Variants in MAD1L1 observed in about 807,000 individuals in gnomAD.
MAD1L1 encodes mitotic arrest deficient 1 like 1.
In MAD1L1, 95 loss-of-function variants were observed where a neutral mutation model predicts 96.9. That is an observed-to-expected ratio of 0.98 (90% confidence interval 0.83 to 1.16). MAD1L1 has a LOEUF of 1.16. Among genes scored for constraint, MAD1L1 ranks in the 50% most tolerant of loss-of-function variants. The pLI is 0.00. For synonymous variants in MAD1L1, 473 were observed against 396.6 expected (o/e 1.19, Z -2.29); for missense variants, 1,007 against 954.4 (o/e 1.06, Z -0.73).
intron 18 of MAD1L1, among the ~76,000 whole-genome samples, chr7:1,897,210 C>T (rs936358032): frequency 2.6e-5 from 4 of 152,366 alleles, no homozygotes; most frequent in South Asian, 2.1e-4. Flanking sequence ...GAGACGCTGA[C>T]GGACATGCGT....
chr7:2,201,281 C>T (rs1201455267), intron 10 of MAD1L1, among the ~76,000 whole-genome samples: 3 of 152,266 alleles, frequency 2.0e-5, no homozygotes, highest in South Asian at 4.1e-4. Context: ...CCTCGGCTGG[C>T]GCTGGCTTCA....
intron 14 of MAD1L1, among the ~76,000 whole-genome samples, chr7:1,995,636 C>T (rs544874855): frequency 1.3e-5 from 2 of 152,316 alleles, no homozygotes; most frequent in Admixed American, 1.3e-4. Flanking sequence ...GAGCCATTCC[C>T]CAGACCTGCC....
At chr7:2,017,411 T>C (rs1054610242) in intron 12 of MAD1L1, among the ~76,000 whole-genome samples, 1 of 152,108 alleles carries the variant, frequency 6.6e-6, no homozygotes, top group East Asian at 1.9e-4. Flanking sequence ...CGAACGGCCA[T>C]GTGAAGAGAA....
chr7:1,907,833 G>A (rs1427410737), intron 17 of MAD1L1, among the ~76,000 whole-genome samples: 2 of 152,226 alleles, frequency 1.3e-5, no homozygotes, highest in Non-Finnish European at 2.9e-5. Context: ...TCTGAGTGGC[G>A]GGCCTGAGTC....
chr7:2,091,181 A>C (rs1786192085), intron 11 of MAD1L1, among the ~76,000 whole-genome samples: 1 of 151,968 alleles, frequency 6.6e-6, no homozygotes, highest in Admixed American at 6.6e-5. Flanking sequence ...ACTAGAAGAC[A>C]CTCCAGGCTC....
chr7:1,986,603 C>T (rs890562546), intron 14 of MAD1L1, among the ~76,000 whole-genome samples: 15 of 151,346 alleles, frequency 9.9e-5, no homozygotes, highest in Middle Eastern at 3.4e-3. Flanking sequence ...CAGGCTTCCC[C>T]GGGGATGTGT....
intron 11 of MAD1L1, among the ~76,000 whole-genome samples, chr7:2,095,879 G>C (rs1786462953): frequency 1.3e-5 from 2 of 152,230 alleles, no homozygotes; most frequent in Non-Finnish European, 2.9e-5. Flanking sequence ...TAGGGTGGGT[G>C]GGGGTGCCTG....
chr7:2,061,940 G>A (rs1002732254), intron 12 of MAD1L1, among the ~76,000 whole-genome samples: 3 of 152,146 alleles, frequency 2.0e-5, no homozygotes, highest in Admixed American at 6.6e-5. Context: ...AATATGTGAC[G>A]CTTAAAAACA....
intron 18 of MAD1L1, among the ~76,000 whole-genome samples, chr7:1,827,266 A>G (rs1782443340): frequency 6.6e-6 from 1 of 152,250 alleles, no homozygotes. Flanking sequence ...GGGCAGCAGG[A>G]GCACAGAACA....
intron 12 of MAD1L1, among the ~76,000 whole-genome samples, chr7:2,057,480 C>T (rs1172952297): frequency 6.6e-6 from 1 of 152,210 alleles, no homozygotes; most frequent in Non-Finnish European, 1.5e-5. Context: ...CACCACTGCA[C>T]TCCAGCCTGG....
chr7:2,057,637 C>T (rs1784438181), intron 12 of MAD1L1, among the ~76,000 whole-genome samples: 1 of 151,734 alleles, frequency 6.6e-6, no homozygotes, highest in African/African-American at 2.4e-5. Context: ...GTATTATATG[C>T]TTTGTATGCG....
chr7:1,825,583 C>T (rs1562429316), intron 18 of MAD1L1, among the ~76,000 whole-genome samples: 1 of 152,258 alleles, frequency 6.6e-6, no homozygotes, highest in Non-Finnish European at 1.5e-5. Context: ...TGGGCTTGTG[C>T]AAATCCCAGG....
At chr7:1,999,055 A>T (rs947686803) in intron 14 of MAD1L1, among the ~76,000 whole-genome samples, 4 of 152,092 alleles carry the variant, frequency 2.6e-5, no homozygotes, top group African/African-American at 2.4e-5. Flanking sequence ...CACACTCCAC[A>T]GAGTCCCCAC....
intron 11 of MAD1L1, among the ~76,000 whole-genome samples, chr7:2,124,628 C>G (rs911589311): frequency 6.6e-6 from 1 of 152,150 alleles, no homozygotes; most frequent in Non-Finnish European, 1.5e-5. Context: ...GCTCTGAGCT[C>G]GGCAAGGAGC....
chr7:2,188,261 C>T (rs1343830619), intron 10 of MAD1L1, among the ~76,000 whole-genome samples: 4 of 152,190 alleles, frequency 2.6e-5, no homozygotes, highest in East Asian at 1.9e-4. Flanking sequence ...ATGTCAACAC[C>T]GCCCAAAGCC....
At chr7:2,062,284 T>C (rs933802632) in intron 12 of MAD1L1, among the ~76,000 whole-genome samples, 7 of 132,388 alleles carry the variant, frequency 5.3e-5, no homozygotes, top group South Asian at 2.4e-4. Context: ...AAACAGGGAA[T>C]TGAAGGCCGG....
intron 18 of MAD1L1, among the ~76,000 whole-genome samples, chr7:1,872,924 G>C (rs376570842): frequency 7.9e-5 from 12 of 152,346 alleles, no homozygotes; most frequent in African/African-American, 2.9e-4. Context: ...GGGCGCGTCA[G>C]AAGGAGAGAA....
chr7:2,143,601 G>A (rs766995475), intron 11 of MAD1L1, among the ~76,000 whole-genome samples: 2 of 151,512 alleles, frequency 1.3e-5, no homozygotes, highest in Non-Finnish European at 2.9e-5. Flanking sequence ...GCTTGACAAG[G>A]GCCTGACTCC....
chr7:2,160,914 A>G (rs1790077361), intron 10 of MAD1L1, among the ~76,000 whole-genome samples: 2 of 152,222 alleles, frequency 1.3e-5, no homozygotes, highest in Admixed American at 6.5e-5. Flanking sequence ...AATTTTATAA[A>G]AAGAAAAATA....
Sources: allele counts gnomAD v4.1 joint callset (sites outside exome capture counted in the v4.1 genomes callset), GRCh38; gene constraint gnomAD v4.1.1; transcripts MANE v1.5; gene names NCBI Gene and HGNC (gene_info 2026-07-23, HGNC 2026-07-21).